Variants in MYT1L observed in about 807,000 individuals in gnomAD.
The protein encoded by MYT1L is myelin transcription factor 1-like protein.
In MYT1L, 12 loss-of-function variants were observed where a neutral mutation model predicts 126.7. The observed-to-expected ratio is 0.09, with a 90% CI of 0.06 to 0.15. The LOEUF (loss-of-function observed/expected upper bound fraction) is 0.15. Among genes scored for constraint, MYT1L ranks in the 10% least tolerant of loss-of-function variants. The probability of loss-of-function intolerance (pLI) is 1.00; values close to 1 mark genes in which losing one functional copy is unlikely to be tolerated. For synonymous variants in MYT1L, 541 were observed against 604.2 expected, an observed-to-expected ratio of 0.90 and a Z score of 1.53; for missense variants, 979 against 1,585.2, an observed-to-expected ratio of 0.62 and a Z score of 6.49.
intron 1 of MYT1L, among the ~76,000 whole-genome samples, chr2:2,299,704 A>C (rs2095754474): frequency 6.6e-6 from 1 of 152,196 alleles, no homozygotes; most frequent in African/African-American, 2.4e-5. Context: ...GTTTTTCTTC[A>C]GCTCTGCTTA....
chr2:2,325,307 C>T (rs1012735020), intron 1 of MYT1L: 14 of 152,104 alleles, frequency 9.2e-5, no homozygotes, highest in Admixed American at 4.6e-4. Flanking sequence ...AAATCGTTTT[C>T]GGGTTGCCAA....
chr2:2,327,378 T>C (rs1047988482), intron 1 of MYT1L, among the ~76,000 whole-genome samples: 3 of 151,956 alleles, frequency 2.0e-5, no homozygotes, highest in African/African-American at 7.2e-5. Flanking sequence ...TGATGAAACT[T>C]AGCTTGGTGA....
intron 2 of MYT1L, among the ~76,000 whole-genome samples, chr2:2,223,912 C>T (rs1226823322): frequency 6.6e-6 from 1 of 152,192 alleles, no homozygotes; most frequent in African/African-American, 2.4e-5. Context: ...CAAGCCTCCT[C>T]CAGGTGGGTC....
rs2053044802 is a variant in MYT1L, at chr2:1,917,677, C to T, written c.1484-338G>A. Among the ~76,000 whole-genome samples, 2 of 152,162 alleles carry T rather than the reference C, an allele frequency of 1.3e-5. No individual in the cohort carries two copies. The highest frequency in any genetic ancestry group is 1.3e-4 in the Admixed American group (2 of 15,282). ...AACGTAAATCGTGATGAGACAGTGACCTTCTTAGAGAACGAAATTCTGTGC... is the reference window on the plus strand; with the variant it reads ...AACGTAAATCGTGATGAGACAGTGATCTTCTTAGAGAACGAAATTCTGTGC... On this transcript the variant is annotated intron_variant, in intron 10 of 24. Coordinates refer to ENST00000647738, the MANE Select transcript of MYT1L (RefSeq NM_001303052.2). The surrounding 1 kb of genome is among the most constrained non-coding windows in gnomAD (Gnocchi z 5.9).
chr2:1,930,703 T>G (rs768960664), intron 9 of MYT1L, among the ~76,000 whole-genome samples: 3 of 152,240 alleles, frequency 2.0e-5, no homozygotes, highest in Non-Finnish European at 4.4e-5. Flanking sequence ...CTCTTAAGAG[T>G]TGTTTAAAAT....
chr2:1,978,386 T>C (rs1448250043), intron 8 of MYT1L, among the ~76,000 whole-genome samples: 1 of 152,200 alleles, frequency 6.6e-6, no homozygotes, highest in Non-Finnish European at 1.5e-5. Context: ...CTCACTATAA[T>C]TGAAACCTTT....
intron 21 of MYT1L, among the ~76,000 whole-genome samples, chr2:1,812,824 C>G (rs973990049): frequency 1.4e-5 from 2 of 145,538 alleles, no homozygotes; most frequent in Admixed American, 7.0e-5. Flanking sequence ...TGCAGTGAGC[C>G]GAGATCGCAC....
At chr2:1,994,116 G>GGTATT (rs2061645031) in intron 5 of MYT1L, among the ~76,000 whole-genome samples, 1 of 152,086 alleles carries the variant, frequency 6.6e-6, no homozygotes, top group Admixed American at 6.5e-5. Context: ...ATACATAAAC[G>GGTATT]TTTTCGGTCA....
intron 1 of MYT1L, among the ~76,000 whole-genome samples, chr2:2,316,896 C>T (rs528335768): frequency 5.3e-5 from 8 of 151,954 alleles, no homozygotes; most frequent in South Asian, 2.1e-4. Context: ...CTACAATCTC[C>T]GCCTCCAGGG....
intron 3 of MYT1L, among the ~76,000 whole-genome samples, chr2:2,074,038 C>A (rs575095153): frequency 2.0e-5 from 3 of 152,224 alleles, no homozygotes; most frequent in Non-Finnish European, 2.9e-5. Context: ...CAAGGCCTAG[C>A]AAGAGGAAAT....
intron 12 of MYT1L, 95 bp downstream of exon 12, chr2:1,911,925 A>C (rs1056892833): frequency 4.3e-6 from 4 of 922,016 alleles, no homozygotes; most frequent in Non-Finnish European, 6.3e-6. Context: ...CACGGTGGGG[A>C]GCACCATATG....
At chr2:2,027,044 C>T (rs1190033079) in intron 4 of MYT1L, among the ~76,000 whole-genome samples, 1 of 152,128 alleles carries the variant, frequency 6.6e-6, no homozygotes, top group Non-Finnish European at 1.5e-5. Flanking sequence ...CCACCTGGAC[C>T]CCTCGCCACC....
chr2:2,256,636 G>A (rs911538072), intron 2 of MYT1L, among the ~76,000 whole-genome samples: 5 of 152,198 alleles, frequency 3.3e-5, no homozygotes, highest in South Asian at 4.1e-4. Context: ...GAGGGAATTC[G>A]AAGAAACTGA....
intron 2 of MYT1L, among the ~76,000 whole-genome samples, chr2:2,184,090 G>A (rs1289030787): frequency 6.6e-6 from 1 of 151,494 alleles, no homozygotes; most frequent in Non-Finnish European, 1.5e-5. Context: ...AGAGAGGGAG[G>A]GAGGGAAAGA....
intron 2 of MYT1L, among the ~76,000 whole-genome samples, chr2:2,249,552 A>G (rs1367367894): frequency 6.6e-6 from 1 of 152,122 alleles, no homozygotes. Context: ...GCTTAAATGT[A>G]AGACCTCAAA....
At chr2:1,950,506 G>A (rs780234131) in intron 8 of MYT1L, among the ~76,000 whole-genome samples, 100 of 151,886 alleles carry the variant, frequency 6.6e-4, no homozygotes. Flanking sequence ...ATGGGTGTGG[G>A]ACAGGGAGTG....
chr2:1,870,819 G>C (rs1009215642), intron 18 of MYT1L, among the ~76,000 whole-genome samples: 1 of 152,196 alleles, frequency 6.6e-6, no homozygotes. Context: ...CAATTTTAAT[G>C]GAAGTACAAT....
rs1038303996 is a variant in MYT1L, at chr2:1,956,425, T to C, written c.153-13091A>G. On this transcript the variant is annotated intron_variant, in intron 8 of 24. Coordinates refer to ENST00000647738, the MANE Select transcript of MYT1L (RefSeq NM_001303052.2). ...GTCTGTCTATCTATCTATCTATCTA[T>C]CTATCTATCTATCTACCTATCATCT... 3.0e-3 allele frequency among the ~76,000 whole-genome samples: 401 copies of C among 135,694 alleles called. 47 individuals are homozygous for C. The highest frequency in any genetic ancestry group is 8.4e-3 in the East Asian group (32 of 3,816). The allele number at this position is 135,694 out of a possible 152,430, so 89.0% of individuals were successfully genotyped here. A position where few individuals can be genotyped will look rare whatever the true frequency, so the allele number is the denominator to read the frequency against.
chr2:1,871,982 A>C lies in MYT1L; in HGVS notation c.2711+14557T>G, dbSNP rs184133687. On this transcript the variant is annotated intron_variant, in intron 18 of 24. Transcript: ENST00000647738. ...GGAGGCGCATTGTATGAGCTGCATTATTCGTAGAGACAATGGAGCACCTCG... is the reference window on the plus strand; with the variant it reads ...GGAGGCGCATTGTATGAGCTGCATTCTTCGTAGAGACAATGGAGCACCTCG... Among the ~76,000 whole-genome samples the C allele has an allele frequency of 4.7e-4, 72 of 152,250 alleles. 1 individual carries two copies. In the East Asian group the frequency reaches 0.013, roughly 27 times the overall value.
Sources: allele counts gnomAD v4.1 joint callset (sites outside exome capture counted in the v4.1 genomes callset), GRCh38; gene constraint gnomAD v4.1.1; non-coding constraint Gnocchi (gnomAD v3.1); transcripts MANE v1.5; gene names NCBI Gene and HGNC (gene_info 2026-07-23, HGNC 2026-07-21).